GLCE: variants seen among roughly 807,000 people sequenced by gnomAD.
GLCE encodes glucuronic acid epimerase, also known as D-glucuronyl C5-epimerase.
Under a neutral mutation model 47.9 loss-of-function variants are expected in GLCE, and 19 were observed. The ratio of observed to expected loss-of-function variants is 0.40; its 90% confidence interval spans 0.28 to 0.58. The LOEUF is 0.58. GLCE is among the 20% of genes least tolerant of loss of function. GLCE has a pLI of 0.48. For missense variants in GLCE, 556 were observed against 743.3 expected, an observed-to-expected ratio of 0.75 and a Z score of 2.93; for synonymous variants, 245 against 263.4, an observed-to-expected ratio of 0.93 and a Z score of 0.68.
rs2052924081 is a variant in GLCE at position 69,256,304 on chromosome 15, C to A, written c.498C>A (p.Ala166=). The A allele has an allele frequency of 6.2e-7, 1 of 1,613,918 alleles. No individual in the cohort carries two copies. Among genetic ancestry groups the A allele is most frequent in the Non-Finnish European group, 8.5e-7 (1 of 1,179,918 alleles). ...HSYSKVYAQR[A]PYHPDGVFMS... Reference sequence around the variant, plus strand: ...ATTCCAAAGTCTATGCACAGAGAGCCCCCTATCACCCCGATGGTGTGTTTA... The same window carrying A: ...ATTCCAAAGTCTATGCACAGAGAGCACCCTATCACCCCGATGGTGTGTTTA... The change falls in exon 3 of 5, where the codon GCC becomes GCA. Residue 166 remains alanine, a synonymous_variant. Coordinates refer to ENST00000261858, the MANE Select transcript of GLCE (RefSeq NM_015554.3).
In GLCE at chr15:69,271,261, G is replaced by A. The variant is rs2053163193; in HGVS notation, c.*2017G>A. On this transcript the variant is annotated 3_prime_UTR_variant, in exon 5 of 5. Transcript: ENST00000261858. ...CATTGCAACAGCAAGTTGATTTCTT[G>A]TGATCCCAGAATTTTCTAAGAGGAT... The A allele has an allele frequency of 6.6e-6, 1 of 152,600 alleles. No individual in the cohort carries two copies. The highest frequency in any genetic ancestry group is 1.5e-5 in the Non-Finnish European group (1 of 68,030). The allele number at this position is 152,600 out of a possible 1,614,324, so 9.5% of individuals were successfully genotyped here.
chr15:69,180,798 T>A (rs76484190), intron 1 of GLCE, among the ~76,000 whole-genome samples: 1,758 of 152,288 alleles, frequency 0.012, 27 homozygotes, highest in African/African-American at 0.038. Flanking sequence ...GCTTTTAGAC[T>A]AAGTGATACG....
At chr15:69,264,403 C>A (rs1160560772) in intron 4 of GLCE, among the ~76,000 whole-genome samples, 1 of 152,104 alleles carries the variant, frequency 6.6e-6, no homozygotes, top group Non-Finnish European at 1.5e-5. Context: ...CGTGCACACA[C>A]ACACACACAT....
chr15:69,230,262 T>G (rs977703527), intron 2 of GLCE, among the ~76,000 whole-genome samples: 2 of 150,472 alleles, frequency 1.3e-5, no homozygotes, highest in African/African-American at 4.9e-5. Context: ...ATATACCGTG[T>G]AGACACTAAT....
At chr15:69,267,370 G>T (rs1468214365) in intron 4 of GLCE, among the ~76,000 whole-genome samples, 2 of 152,160 alleles carry the variant, frequency 1.3e-5, no homozygotes, top group Non-Finnish European at 2.9e-5. Flanking sequence ...TCAAAGAGGT[G>T]CATCTTGCCA....
intron 2 of GLCE, among the ~76,000 whole-genome samples, chr15:69,241,978 A>G (rs992666171): frequency 7.2e-5 from 11 of 152,200 alleles, no homozygotes; most frequent in African/African-American, 2.7e-4. Context: ...CCAAAAGACC[A>G]CCTTATCAAT....
intron 2 of GLCE, among the ~76,000 whole-genome samples, chr15:69,212,615 T>G (rs1242485655): frequency 6.6e-6 from 1 of 152,072 alleles, no homozygotes; most frequent in African/African-American, 2.4e-5. Flanking sequence ...ATGGACTTGA[T>G]TTGGAATTTT....
chr15:69,266,440 C>T (rs1032017587), intron 4 of GLCE, among the ~76,000 whole-genome samples: 3 of 152,108 alleles, frequency 2.0e-5, no homozygotes, highest in East Asian at 1.9e-4. Context: ...AGTCCTCCCA[C>T]GTTGGCCTCC....
intron 1 of GLCE, among the ~76,000 whole-genome samples, chr15:69,170,734 G>A (rs1159928772): frequency 6.6e-6 from 1 of 152,208 alleles, no homozygotes; most frequent in Non-Finnish European, 1.5e-5. Context: ...TGGCCCAGAA[G>A]GAAGAAAAGC....
intron 1 of GLCE, among the ~76,000 whole-genome samples, chr15:69,207,964 A>G (rs149459155): frequency 0.013 from 1,972 of 151,984 alleles, 16 homozygotes; most frequent in Non-Finnish European, 0.02. Flanking sequence ...TATTCTAATC[A>G]TGTACTTTTG....
intron 1 of GLCE, among the ~76,000 whole-genome samples, chr15:69,183,097 G>A (rs1238481057): frequency 6.6e-6 from 1 of 152,044 alleles, no homozygotes; most frequent in Non-Finnish European, 1.5e-5. Context: ...TATAAAATAG[G>A]GTTGAGGGAA....
At chr15:69,242,476 T>C (rs1192156967) in intron 2 of GLCE, among the ~76,000 whole-genome samples, 1 of 152,132 alleles carries the variant, frequency 6.6e-6, no homozygotes, top group Non-Finnish European at 1.5e-5. Context: ...TGCATCTATA[T>C]ATCTATATAC....
intron 4 of GLCE, among the ~76,000 whole-genome samples, chr15:69,263,559 C>T (rs912216407): frequency 1.3e-5 from 2 of 151,576 alleles, no homozygotes; most frequent in Non-Finnish European, 2.9e-5. Flanking sequence ...TGTTTTATTC[C>T]TTTTTCTAAT....
chr15:69,260,141 A>G (rs1455153583), intron 3 of GLCE, among the ~76,000 whole-genome samples: 1 of 152,186 alleles, frequency 6.6e-6, no homozygotes, highest in Non-Finnish European at 1.5e-5. Context: ...TAAAATATAC[A>G]AACTAAATTC....
chr15:69,253,740 G>A (rs2052881279), intron 2 of GLCE, among the ~76,000 whole-genome samples: 1 of 152,176 alleles, frequency 6.6e-6, no homozygotes, highest in Non-Finnish European at 1.5e-5. Flanking sequence ...ATGGTACTGT[G>A]ACACATCTCA....
chr15:69,266,147 A>T (rs140588013), intron 4 of GLCE, among the ~76,000 whole-genome samples: 1 of 152,222 alleles, frequency 6.6e-6, no homozygotes. Context: ...GCATAAGTCT[A>T]TGAGGATGTT....
intron 1 of GLCE, chr15:69,197,170 C>T (rs2052006738): frequency 2.4e-6 from 1 of 410,122 alleles, no homozygotes; most frequent in South Asian, 1.9e-5. Flanking sequence ...GACAATGCGT[C>T]GCACAACCAA....
intron 3 of GLCE, among the ~76,000 whole-genome samples, chr15:69,257,813 AAT>A (rs1401066690): frequency 6.6e-6 from 1 of 152,064 alleles, no homozygotes; most frequent in African/African-American, 2.4e-5. Flanking sequence ...TCAGGAGAGT[AAT>A]AGAGATTTCA....
rs560320586 is a variant in GLCE at position 69,216,512 on chromosome 15, T to C, written c.-14+6106T>C. 2.0e-5 allele frequency among the ~76,000 whole-genome samples: 3 copies of C among 152,238 alleles called. No homozygotes were observed. The East Asian group carries it at 5.8e-4, about 29-fold the overall frequency. ...CAGAATGGAATGAAGACATAGCAAG[T>C]TTCAGTGGTAGTTTTCTACCCTATT... On this transcript the variant is annotated intron_variant, in intron 2 of 4. Coordinates refer to ENST00000261858, the MANE Select transcript of GLCE (RefSeq NM_015554.3).
Sources: allele counts gnomAD v4.1 joint callset (sites outside exome capture counted in the v4.1 genomes callset), GRCh38; gene constraint gnomAD v4.1.1; transcripts MANE v1.5; gene names NCBI Gene and HGNC (gene_info 2026-07-23, HGNC 2026-07-21).